SLC16A10: variants seen among roughly 807,000 people sequenced by gnomAD.
The protein encoded by SLC16A10 is monocarboxylate transporter 10.
A neutral mutation model predicts 40.0 loss-of-function variants in SLC16A10; 27 were observed. The ratio of observed to expected loss-of-function variants is 0.67; its 90% CI spans 0.50 to 0.93. SLC16A10 has a LOEUF of 0.93. SLC16A10 is among the 40% of genes least tolerant of loss of function. The pLI, the probability that SLC16A10 is intolerant of heterozygous loss-of-function variation, is 0.00. For synonymous variants in SLC16A10, 213 were observed against 249.8 expected, an observed-to-expected ratio of 0.85 and a Z score of 1.39; for missense variants, 529 against 658.2, an observed-to-expected ratio of 0.80 and a Z score of 2.15.
At chr6:111,207,083 G>A (rs1262261322) in intron 4 of SLC16A10, among the ~76,000 whole-genome samples, 3 of 152,044 alleles carry the variant, frequency 2.0e-5, no homozygotes, top group African/African-American at 4.8e-5. Context: ...TGCCCGCCTC[G>A]GCCTCCCAAA....
At chr6:111,180,873 T>C (rs1278544612) in intron 3 of SLC16A10, among the ~76,000 whole-genome samples, 2 of 152,148 alleles carry the variant, frequency 1.3e-5, no homozygotes, top group Non-Finnish European at 2.9e-5. Flanking sequence ...TGATAATTAT[T>C]ACTGTAGTAC....
chr6:111,181,382 G>A (rs941679384), intron 3 of SLC16A10, among the ~76,000 whole-genome samples: 10 of 152,162 alleles, frequency 6.6e-5, no homozygotes, highest in African/African-American at 2.2e-4. Context: ...TAAAATGTAT[G>A]TGAAACATCT....
At chr6:111,124,404 G>A (rs924510894) in intron 1 of SLC16A10, among the ~76,000 whole-genome samples, 2 of 150,514 alleles carry the variant, frequency 1.3e-5, no homozygotes, top group Non-Finnish European at 1.5e-5. Flanking sequence ...TGCTCAGGCT[G>A]GAGTGCAGTG....
At chr6:111,109,484 T>G (rs1562399862) in intron 1 of SLC16A10, among the ~76,000 whole-genome samples, 1 of 151,766 alleles carries the variant, frequency 6.6e-6, no homozygotes, top group Non-Finnish European at 1.5e-5. Flanking sequence ...AGACAGAGTT[T>G]TGCTCTGACA....
chr6:111,175,137 C>A (rs1042156251), intron 2 of SLC16A10, among the ~76,000 whole-genome samples: 1 of 152,172 alleles, frequency 6.6e-6, no homozygotes, highest in African/African-American at 2.4e-5. Context: ...CTGAGGAAAA[C>A]CTTCTCCAAC....
intron 1 of SLC16A10, among the ~76,000 whole-genome samples, chr6:111,088,478 T>G (rs182716972): frequency 1.8e-4 from 27 of 152,290 alleles, no homozygotes; most frequent in African/African-American, 6.3e-4. Context: ...TGTGGTCTCT[T>G]TCGTGACTAT....
At position 111,102,020 on chromosome 6, in the gene SLC16A10, A is replaced by G. The variant is rs573728683; in HGVS notation, c.343+13925A>G. Among the ~76,000 whole-genome samples the G allele has an allele frequency of 3.9e-5, 6 of 152,296 alleles. No individual in the cohort carries two copies. In the South Asian group the frequency reaches 1.2e-3, roughly 32 times the overall value. On this transcript the variant is annotated intron_variant, in intron 1 of 5. Coordinates refer to ENST00000368851, the MANE Select transcript of SLC16A10 (RefSeq NM_018593.5). ...CTGTATCTCATAAGGCACCTGCTTAATTGTTTCAGTAAGTGTGATGTTCTA... is the reference window on the plus strand; with the variant it reads ...CTGTATCTCATAAGGCACCTGCTTAGTTGTTTCAGTAAGTGTGATGTTCTA...
intron 3 of SLC16A10, among the ~76,000 whole-genome samples, chr6:111,180,483 A>G (rs1335771199): frequency 6.6e-6 from 1 of 152,234 alleles, no homozygotes; most frequent in African/African-American, 2.4e-5. Context: ...CAGGAGGTCA[A>G]GGCTGCAGTG....
chr6:111,178,199 T>G (rs1216011024), intron 3 of SLC16A10, among the ~76,000 whole-genome samples: 2 of 152,164 alleles, frequency 1.3e-5, no homozygotes, highest in African/African-American at 4.8e-5. Flanking sequence ...AGGGTGTAGG[T>G]AATTAGCAAA....
intron 1 of SLC16A10, among the ~76,000 whole-genome samples, chr6:111,110,960 CAT>C (rs1168561055): frequency 6.6e-6 from 1 of 151,802 alleles, no homozygotes; most frequent in Non-Finnish European, 1.5e-5. Flanking sequence ...TGTGACAAAA[CAT>C]ATATAGCATA....
Position 111,089,778 on chromosome 6 carries a change from T to C in SLC16A10, c.343+1683T>C, listed in dbSNP as rs114184627. Among the ~76,000 whole-genome samples, 329 of 152,218 alleles carry C rather than the reference T, an allele frequency of 2.2e-3. 2 individuals are homozygous for C. Among genetic ancestry groups the C allele is most frequent in the African/African-American group, 7.1e-3 (297 of 41,550 alleles). On this transcript the variant is annotated intron_variant, in intron 1 of 5. Coordinates refer to ENST00000368851, the MANE Select transcript of SLC16A10 (RefSeq NM_018593.5). ...ATTGACAGAGTTAACATTTAAAGACTAGTTCCAACATTTACCATATTCCTG... is the reference window on the plus strand; with the variant it reads ...ATTGACAGAGTTAACATTTAAAGACCAGTTCCAACATTTACCATATTCCTG...
intron 1 of SLC16A10, among the ~76,000 whole-genome samples, chr6:111,154,032 G>A (rs963751293): frequency 6.6e-6 from 1 of 152,142 alleles, no homozygotes; most frequent in Non-Finnish European, 1.5e-5. Flanking sequence ...ATTTTTCCTG[G>A]TGGTCCAGAA....
intron 3 of SLC16A10, among the ~76,000 whole-genome samples, chr6:111,185,659 A>G (rs1387913747): frequency 6.6e-6 from 1 of 152,252 alleles, no homozygotes; most frequent in Non-Finnish European, 1.5e-5. Flanking sequence ...TGCTTTCTAC[A>G]GTAAACATTA....
intron 1 of SLC16A10, among the ~76,000 whole-genome samples, chr6:111,116,517 CA>C (rs1771490274): frequency 6.6e-6 from 1 of 151,834 alleles, no homozygotes; most frequent in South Asian, 2.1e-4. Context: ...TGCACCTGGG[CA>C]AAAAAAGTAA....
chr6:111,186,487 A>C (rs1033089525), intron 3 of SLC16A10, among the ~76,000 whole-genome samples: 2 of 152,254 alleles, frequency 1.3e-5, no homozygotes, highest in African/African-American at 4.8e-5. Flanking sequence ...TTGTGAGGCT[A>C]TACTAAATGG....
chr6:111,095,674 G>A lies in SLC16A10; in HGVS notation c.343+7579G>A, dbSNP rs77321617. On this transcript the variant is annotated intron_variant, in intron 1 of 5. Coordinates refer to ENST00000368851, the MANE Select transcript of SLC16A10 (RefSeq NM_018593.5). ...GGTGGGAGGTAATTGAATCATGGGG[G>A]CAGGTTTTCCTGTGCTGTTCTTGTG... Among the ~76,000 whole-genome samples the A allele has an allele frequency of 2.2e-3, 334 of 152,218 alleles. 1 individual carries two copies. Among genetic ancestry groups the A allele is most frequent in the African/African-American group, 7.7e-3 (318 of 41,546 alleles).
chr6:111,134,022 C>A (rs6903669), intron 1 of SLC16A10, among the ~76,000 whole-genome samples: 1 of 152,164 alleles, frequency 6.6e-6, no homozygotes, highest in African/African-American at 2.4e-5. Context: ...CTAAATCAGA[C>A]GCTAACCTCA....
intron 3 of SLC16A10, chr6:111,178,328 G>C: frequency 1.9e-6 from 1 of 520,938 alleles, no homozygotes; most frequent in South Asian, 1.4e-5. Context: ...AATGAGGAAA[G>C]AGAACTATGG....
intron 5 of SLC16A10, among the ~76,000 whole-genome samples, chr6:111,220,949 C>G (rs1770876960): frequency 6.6e-6 from 1 of 152,206 alleles, no homozygotes; most frequent in African/African-American, 2.4e-5. Flanking sequence ...AGGAAGAGTT[C>G]AGGAATGGTC....
Sources: allele counts gnomAD v4.1 joint callset (sites outside exome capture counted in the v4.1 genomes callset), GRCh38; gene constraint gnomAD v4.1.1; transcripts MANE v1.5; gene names NCBI Gene and HGNC (gene_info 2026-07-23, HGNC 2026-07-21).